Variants in RBFOX1 observed in about 807,000 individuals in gnomAD.
RBFOX1 encodes the protein RNA binding protein fox-1 homolog 1.
In RBFOX1, 8 loss-of-function variants were observed where a neutral mutation model predicts 57.7. That is an observed-to-expected ratio of 0.14 (90% CI 0.08 to 0.25). The LOEUF (loss-of-function observed/expected upper bound fraction) is 0.25. RBFOX1 is among the 10% of genes least tolerant of loss of function. The pLI, the probability that RBFOX1 is intolerant of heterozygous loss-of-function variation, is 1.00. For missense variants in RBFOX1, 611 were observed against 548.5 expected (o/e 1.11, Z -1.14); for synonymous variants, 326 against 222.4 (o/e 1.47, Z -4.15).
intron 3 of RBFOX1, among the ~76,000 whole-genome samples, chr16:6,785,133 A>T (rs1567233715): frequency 6.6e-6 from 1 of 151,762 alleles, no homozygotes; most frequent in Non-Finnish European, 1.5e-5. Context: ...ATTATTAAAT[A>T]TAGTGTTATA....
At chr16:6,364,852 A>G (rs2089272321) in intron 2 of RBFOX1, among the ~76,000 whole-genome samples, 1 of 152,162 alleles carries the variant, frequency 6.6e-6, no homozygotes, top group African/African-American at 2.4e-5. Context: ...GGCAAAGGGA[A>G]TGTCAGAGTG....
chr16:5,559,875 C>T (rs975524457), intron 2 of RBFOX1, among the ~76,000 whole-genome samples: 5 of 151,210 alleles, frequency 3.3e-5, no homozygotes, highest in African/African-American at 1.2e-4. Context: ...TTAACTCTAG[C>T]GTGCTGTACT....
At chr16:6,885,643 T>G (rs148803969) in intron 3 of RBFOX1, among the ~76,000 whole-genome samples, 20 of 152,254 alleles carry the variant, frequency 1.3e-4, no homozygotes, top group African/African-American at 4.3e-4. Flanking sequence ...GTGATTATCC[T>G]GCCTTAGCCT....
At chr16:6,380,642 T>G (rs1249909448) in intron 2 of RBFOX1, among the ~76,000 whole-genome samples, 1 of 152,052 alleles carries the variant, frequency 6.6e-6, no homozygotes, top group East Asian at 1.9e-4. Context: ...TTTCTTCTTT[T>G]CCTCTGACAT....
intron 4 of RBFOX1, among the ~76,000 whole-genome samples, chr16:5,999,305 A>C (rs1003417606): frequency 2.0e-5 from 3 of 152,122 alleles, no homozygotes; most frequent in Admixed American, 1.3e-4. Context: ...TCTTCCCCAA[A>C]CTAACTTTGG....
chr16:7,540,278 C>G (rs1424612707), intron 5 of RBFOX1, among the ~76,000 whole-genome samples: 6 of 152,188 alleles, frequency 3.9e-5, no homozygotes, highest in African/African-American at 1.4e-4. Flanking sequence ...TGGTCTCTGA[C>G]TGTAGCAATA....
In RBFOX1 at chr16:6,038,545, T is replaced by TAC. The variant is rs939836874; in HGVS notation, c.-127+18554_-127+18555insCA. The TAC allele has an allele frequency of 2.1e-5, 3 of 142,674 alleles. No individual in the cohort carries two copies. In the East Asian group the frequency reaches 6.0e-4, roughly 28 times the overall value. The allele number at this position is 142,674 out of a possible 1,614,324, so 8.8% of individuals were successfully genotyped here. ...ATATCCGTGGAGATATATATATATA[T>TAC]ATATATCATCCATATATATATATCA... On this transcript the variant is annotated intron_variant, in intron 1 of 15. Transcript: ENST00000550418.
At chr16:5,442,771 A>T (rs1278926966) in intron 1 of RBFOX1, among the ~76,000 whole-genome samples, 1 of 152,212 alleles carries the variant, frequency 6.6e-6, no homozygotes, top group Non-Finnish European at 1.5e-5. Context: ...AGGTGCTGTC[A>T]TTATTCCCTG....
intron 3 of RBFOX1, among the ~76,000 whole-genome samples, chr16:6,895,448 G>GTGTGTATATATA (rs869028735): frequency 4.0e-4 from 22 of 54,620 alleles, no homozygotes; most frequent in Admixed American, 6.4e-4. Flanking sequence ...GTGTGTGTGT[G>GTGTGTATATATA]TATATATATA....
chr16:7,707,490 T>G (rs2082855131), intron 14 of RBFOX1, among the ~76,000 whole-genome samples: 1 of 152,154 alleles, frequency 6.6e-6, no homozygotes. Context: ...AAACCATTTC[T>G]TCCACCAGCC....
chr16:7,230,700 A>C (rs935064519), intron 4 of RBFOX1, among the ~76,000 whole-genome samples: 1 of 152,206 alleles, frequency 6.6e-6, no homozygotes, highest in South Asian at 2.1e-4. Flanking sequence ...AGCCACTTGG[A>C]GTTGAAAGTG....
chr16:6,033,396 C>T (rs2095318028), intron 1 of RBFOX1, among the ~76,000 whole-genome samples: 1 of 152,212 alleles, frequency 6.6e-6, no homozygotes, highest in Admixed American at 6.5e-5. Flanking sequence ...ATCTCTCTTG[C>T]ACTTGCCTTG....
At chr16:5,595,497 C>T (rs1314622755) in intron 2 of RBFOX1, among the ~76,000 whole-genome samples, 5 of 152,274 alleles carry the variant, frequency 3.3e-5, no homozygotes, top group South Asian at 2.1e-4. Context: ...TGGCAGACAG[C>T]GACCAGAGTG....
intron 3 of RBFOX1, among the ~76,000 whole-genome samples, chr16:6,966,029 A>G (rs1341637224): frequency 6.6e-6 from 1 of 152,174 alleles, no homozygotes; most frequent in Non-Finnish European, 1.5e-5. Context: ...AATCGGAGAT[A>G]CGTTTTCTTA....
chr16:7,419,871 C>G (rs1021679362), intron 4 of RBFOX1, among the ~76,000 whole-genome samples: 4 of 150,260 alleles, frequency 2.7e-5, no homozygotes, highest in Non-Finnish European at 5.9e-5. Context: ...AATTATACCA[C>G]TGTATTTTAG....
At chr16:6,093,810 G>T (rs1278673302) in intron 1 of RBFOX1, among the ~76,000 whole-genome samples, 1 of 151,694 alleles carries the variant, frequency 6.6e-6, no homozygotes, top group Non-Finnish European at 1.5e-5. Context: ...GTAAAGATGG[G>T]GGTCTCACTG....
chr16:7,412,262 A>C (rs2098436497), intron 4 of RBFOX1, among the ~76,000 whole-genome samples: 1 of 151,880 alleles, frequency 6.6e-6, no homozygotes, highest in Non-Finnish European at 1.5e-5. Flanking sequence ...TAAAAATACA[A>C]AAATTAGCCA....
intron 4 of RBFOX1, among the ~76,000 whole-genome samples, chr16:5,977,703 A>G (rs1016243115): frequency 2.0e-5 from 3 of 152,240 alleles, no homozygotes; most frequent in Admixed American, 6.5e-5. Context: ...TTGAACTGCA[A>G]GAAAAGTTAG....
At chr16:6,452,977 G>C (rs533937146) in intron 2 of RBFOX1, among the ~76,000 whole-genome samples, 1 of 152,236 alleles carries the variant, frequency 6.6e-6, no homozygotes, top group South Asian at 2.1e-4. Context: ...ATGATGTTCA[G>C]CGTTGCTTTG....
Sources: gnomAD v4.1 joint callset for allele counts (sites outside exome capture counted in the v4.1 genomes callset) on GRCh38, gnomAD v4.1.1 for gene constraint, MANE v1.5 for transcripts, NCBI Gene and HGNC (gene_info 2026-07-23, HGNC 2026-07-21) for gene names.